Variants in USP54 observed in about 807,000 individuals in gnomAD.
USP54 encodes ubiquitin carboxyl-terminal hydrolase 54.
In USP54, 87 loss-of-function variants were observed where a neutral mutation model predicts 170.5. The ratio of observed to expected loss-of-function variants is 0.51; its 90% CI spans 0.43 to 0.61. The LOEUF is 0.61. USP54 is among the 20% of genes least tolerant of loss of function. USP54 has a pLI of 0.00. For missense variants in USP54, 1,786 were observed against 2,047.8 expected (o/e 0.87, Z 2.47); for synonymous variants, 655 against 742.8 (o/e 0.88, Z 1.92).
chr10:73,545,733 C>A, intron 4 of USP54, 61 bp from the exon 5 acceptor site: 1 of 1,575,416 alleles, frequency 6.3e-7, no homozygotes, highest in Non-Finnish European at 8.7e-7. Flanking sequence ...TTCTATACAT[C>A]CTAGTCTGTC....
chr10:73,570,294 T>C (rs980459212), intron 4 of USP54, among the ~76,000 whole-genome samples: 3 of 152,018 alleles, frequency 2.0e-5, no homozygotes, highest in African/African-American at 7.2e-5. Flanking sequence ...TTTAGCAACA[T>C]ACCTAAAATC....
chr10:73,539,473 T>C lies in USP54; in HGVS notation c.946A>G (p.Met316Val). 6.2e-7 allele frequency: 1 copy of C among 1,610,670 alleles called. No individual in the cohort carries two copies. ...TTGACATGAGCATCATCAAAATACATCCATTTGCGAATCTTTGTTTGAAAA... is the reference window on the plus strand; with the variant it reads ...TTGACATGAGCATCATCAAAATACACCCATTTGCGAATCTTTGTTTGAAAA... Reference protein sequence around the residue: ...FFFQTKIRKWMYFDDAHVKEI... With the variant: ...FFFQTKIRKWVYFDDAHVKEI... Residue 316 changes from methionine to valine, a missense_variant, in exon 10 of 24, where the codon ATG becomes GTG. Coordinates refer to ENST00000687698, the MANE Select transcript of USP54 (RefSeq NM_001391956.1).
chr10:73,499,274 A>G, intron 23 of USP54, 86 bp from the exon 24 acceptor site: 1 of 1,299,192 alleles, frequency 7.7e-7, no homozygotes, highest in Non-Finnish European at 1.1e-6. Flanking sequence ...TGTGTAGCCC[A>G]ATTCCCTACT....
chr10:73,613,228 G>A (rs1044706890), intron 1 of USP54, among the ~76,000 whole-genome samples: 9 of 148,006 alleles, frequency 6.1e-5, no homozygotes, highest in African/African-American at 7.5e-5. Flanking sequence ...TCCACCTCCC[G>A]GGTTCAAGCA....
intron 20 of USP54, among the ~76,000 whole-genome samples, chr10:73,507,963 C>T (rs1357914052): frequency 6.6e-6 from 1 of 151,640 alleles, no homozygotes; most frequent in Non-Finnish European, 1.5e-5. Flanking sequence ...CGTACTCCAG[C>T]CTGGGTGACA....
intron 18 of USP54, 61 bp downstream of exon 18, chr10:73,520,847 A>G: frequency 6.2e-7 from 1 of 1,610,564 alleles, no homozygotes; most frequent in Non-Finnish European, 8.5e-7. Flanking sequence ...TGACAACACT[A>G]ATAATACCTA....
chr10:73,574,732 G>A (rs771085717), intron 3 of USP54, among the ~76,000 whole-genome samples: 4 of 151,884 alleles, frequency 2.6e-5, no homozygotes, highest in South Asian at 4.2e-4. Context: ...AGCCGAGATC[G>A]CTCATGGTCC....
intron 9 of USP54, 111 bp downstream of exon 9, chr10:73,541,264 C>T: frequency 2.0e-6 from 3 of 1,473,156 alleles, no homozygotes; most frequent in Non-Finnish European, 1.8e-6. Context: ...CTGTCCAAAA[C>T]ATTATAATAC....
At position 73,500,815 on chromosome 10, in the gene USP54, A is replaced by G; in HGVS notation, c.4335T>C (p.Pro1445=). The part of the protein sequence containing the change: ...HSFDSSNVRK[P]LETGHRCSSS... ...TGGAACAACGGTGCCCGGTTTCCAA[A>G]GGCTTCCTCACGTTTGATGAATCCT... is the stretch of plus-strand genomic sequence containing the variant. The change falls in exon 23 of 24, where the codon CCT becomes CCC. Residue 1445 remains proline (P), a synonymous_variant. Coordinates refer to ENST00000687698, the MANE Select transcript of USP54 (RefSeq NM_001391956.1). 1 of 1,601,182 alleles carries G rather than the reference A, an allele frequency of 6.2e-7. No individual in the cohort carries two copies. Among genetic ancestry groups the G allele is most frequent in the South Asian group, 1.1e-5 (1 of 89,436 alleles).
chr10:73,543,200 G>T (rs2133531111), intron 5 of USP54, 69 bp from the exon 6 acceptor site: 1 of 1,142,448 alleles, frequency 8.8e-7, no homozygotes, highest in Non-Finnish European at 1.3e-6. Flanking sequence ...TTGGTAAGCA[G>T]CTTACCCATA....
At chr10:73,549,529 G>A (rs1454536419) in intron 4 of USP54, among the ~76,000 whole-genome samples, 2 of 152,058 alleles carry the variant, frequency 1.3e-5, no homozygotes, top group African/African-American at 4.8e-5. Context: ...TGTTTAGGTC[G>A]AAAACCTTGG....
chr10:73,615,519 C>T (rs187390057), intron 1 of USP54, among the ~76,000 whole-genome samples: 1 of 150,380 alleles, frequency 6.6e-6, no homozygotes, highest in East Asian at 1.9e-4. Context: ...GATGAATTCC[C>T]CATTTTACAT....
chr10:73,595,050 A>G (rs112106301), upstream of USP54, among the ~76,000 whole-genome samples: 5,355 of 151,920 alleles, frequency 0.035, 154 homozygotes, highest in South Asian at 0.11. Flanking sequence ...CTCAGCCTCC[A>G]GAGTAGCTGG....
chr10:73,589,172 T>C (rs1256491234), intron 1 of USP54, among the ~76,000 whole-genome samples: 1 of 152,210 alleles, frequency 6.6e-6, no homozygotes, highest in Non-Finnish European at 1.5e-5. Flanking sequence ...GAACTAAGTT[T>C]CATGAGACCA....
At chr10:73,550,472 A>G (rs952991199) in intron 4 of USP54, among the ~76,000 whole-genome samples, 24 of 151,856 alleles carry the variant, frequency 1.6e-4, no homozygotes, top group African/African-American at 5.6e-4. Context: ...ACTCTTACAT[A>G]TTTTTTCTCT....
At chr10:73,523,789 T>C (rs966032081) in intron 16 of USP54, 39 bp from the exon 17 acceptor site, 4 of 1,565,754 alleles carry the variant, frequency 2.6e-6, no homozygotes, top group East Asian at 2.2e-5. Flanking sequence ...ACATTTCCAT[T>C]ACCAAGACTA....
chr10:73,541,751 G>A lies in USP54; in HGVS notation c.573-13C>T, dbSNP rs1230397843. ...AATAGCCTGATTGCTTCAAGATGGG[G>A]AATAGAAGGGGGATGATGGTTTGTA... is the stretch of plus-strand genomic sequence containing the variant. On this transcript the variant is annotated splice_polypyrimidine_tract_variant and intron_variant, in intron 7 of 23. Transcript: ENST00000687698. 9.9e-6 allele frequency: 16 copies of A among 1,610,074 alleles called. No individual in the cohort carries two copies. Among genetic ancestry groups the A allele is most frequent in the Admixed American group, 1.7e-5 (1 of 59,964 alleles).
intron 4 of USP54, among the ~76,000 whole-genome samples, chr10:73,550,126 G>C (rs1285255914): frequency 6.6e-6 from 1 of 152,146 alleles, no homozygotes; most frequent in East Asian, 1.9e-4. Flanking sequence ...GTTTTGCTAT[G>C]TTGGCCAGGT....
In USP54 at chr10:73,536,355, T is replaced by G; in HGVS notation, c.1058A>C (p.Gln353Pro). 1 of 1,613,646 alleles carries G rather than the reference T, an allele frequency of 6.2e-7. No homozygotes were observed. Among genetic ancestry groups the G allele is most frequent in the Non-Finnish European group, 8.5e-7 (1 of 1,179,752 alleles). ...QPLLLLYADPQGTPVSTQDLP... is the reference protein window; with the variant it reads ...QPLLLLYADPPGTPVSTQDLP... ...GTCCTGGGTGGAAACTGGGGTACCC[T>G]GGGGATCTGCATAAAGCAGCAGCAG... The change falls in exon 11 of 24, where the codon CAG becomes CCG. Residue 353 changes from glutamine to proline, a missense_variant. This residue lies in a region of USP54 where 361 missense variants were observed against 455.0 expected (regional missense o/e 0.79). Transcript: ENST00000687698.
Sources: gnomAD v4.1 joint callset for allele counts (sites outside exome capture counted in the v4.1 genomes callset) on GRCh38, gnomAD v4.1.1 for gene constraint, gnomAD v4.1.1 regional missense constraint, MANE v1.5 for transcripts, NCBI Gene and HGNC (gene_info 2026-07-23, HGNC 2026-07-21) for gene names.